The following PAQR3 variants were observed in gnomAD, a reference collection of about 807,000 sequenced individuals.
PAQR3 encodes the protein Raf kinase trapping to Golgi.
PAQR3 carries 39 observed loss-of-function variants against 41.7 expected under a neutral mutation model. The ratio of observed to expected loss-of-function variants is 0.93; its 90% CI spans 0.72 to 1.22. PAQR3 has a LOEUF of 1.22. Ranked by LOEUF, PAQR3 falls within the 50% of genes most tolerant of loss-of-function variation. The pLI is 0.00. For synonymous variants in PAQR3, 140 were observed against 140.6 expected (o/e 1.00, Z 0.03); for missense variants, 366 against 385.6 (o/e 0.95, Z 0.42).
At chr4:78,887,218 C>G in exon 13 of PAQR3, 1 of 1,611,944 alleles carries the variant, frequency 6.2e-7, no homozygotes, top group South Asian at 1.1e-5. Context: ...TGTAGACTCA[C>G]TTTCTGCTCC....
downstream of PAQR3, chr4:78,911,096 C>T (rs752565823): frequency 9.9e-6 from 16 of 1,613,892 alleles, no homozygotes; most frequent in African/African-American, 1.3e-5. Context: ...GCAGTGGAGA[C>T]TCCCAAACAG....
chr4:78,920,554 A>G lies in PAQR3; in HGVS notation c.921T>C (p.Tyr307=). ...QYRHSKPCPD[Y]VSHL ...CATACCTAATTCACAAATGTGAAAC[A>G]TAGTCAGGACAAGGCTTGCTATGTC... Residue 307 remains tyrosine (Y), a synonymous_variant, in exon 6 of 6, where the codon TAT becomes TAC. Coordinates refer to ENST00000512733, the MANE Select transcript of PAQR3 (RefSeq NM_001040202.2). 6.2e-7 allele frequency: 1 copy of G among 1,608,160 alleles called. No individual in the cohort carries two copies. Among genetic ancestry groups the G allele is most frequent in the Non-Finnish European group, 8.5e-7 (1 of 1,177,128 alleles).
At chr4:78,930,697 A>C (rs1736767143) in intron 2 of PAQR3, 1 of 154,908 alleles carries the variant, frequency 6.5e-6, no homozygotes, top group South Asian at 2.0e-4. Context: ...TTTGTTTTTA[A>C]AGAGTATTTA....
intron 12 of PAQR3, among the ~76,000 whole-genome samples, chr4:78,887,543 C>T (rs1733164568): frequency 6.6e-6 from 1 of 151,886 alleles, no homozygotes; most frequent in African/African-American, 2.4e-5. Flanking sequence ...TTATTGGATA[C>T]TGTTGAAAAA....
At chr4:78,939,009 G>C in intron 1 of PAQR3, 31 bp downstream of exon 1, 1 of 1,546,916 alleles carries the variant, frequency 6.5e-7, no homozygotes, top group Middle Eastern at 1.7e-4. Context: ...GAGAGAAGGG[G>C]GCACTCCAGG....
At chr4:78,910,539 T>C, downstream of PAQR3, 1 of 1,226,630 alleles carries the variant, frequency 8.2e-7, no homozygotes, top group Non-Finnish European at 1.1e-6. Context: ...GTGTAATACA[T>C]ATTAACATTT....
chr4:78,900,500 CAA>C (rs1733942168), intron 11 of PAQR3, among the ~76,000 whole-genome samples: 1 of 152,090 alleles, frequency 6.6e-6, no homozygotes, highest in Non-Finnish European at 1.5e-5. Flanking sequence ...GAGAGTCTAA[CAA>C]GACATAAAAA....
rs537375187 is a variant in PAQR3, at chr4:78,939,354, G to A, written c.-130C>T. ...CTGCGCGAGGTCCTACCGCGCTGCC[G>A]CTGCTGCCCAGGGCCCGGCTCTGCG... On this transcript the variant is annotated 5_prime_UTR_variant, in exon 1 of 6. Transcript: ENST00000512733. 1.3e-3 allele frequency: 1,019 copies of A among 789,000 alleles called. 8 individuals carry two copies. In the African/African-American group the frequency reaches 0.018, roughly 14 times the overall value. 48.9% of individuals were successfully genotyped at this position (789,000 alleles called of 1,614,324 possible).
intron 11 of PAQR3, among the ~76,000 whole-genome samples, chr4:78,889,759 AATG>A (rs1006658853): frequency 6.6e-6 from 1 of 152,256 alleles, no homozygotes; most frequent in Non-Finnish European, 1.5e-5. Flanking sequence ...TACAATACAG[AATG>A]ATAAGTATAT....
chr4:78,896,969 G>A (rs1406881171), intron 11 of PAQR3, among the ~76,000 whole-genome samples: 1 of 152,018 alleles, frequency 6.6e-6, no homozygotes, highest in East Asian at 1.9e-4. Flanking sequence ...TTCAAAAAAT[G>A]CTCATTTACT....
chr4:78,906,572 T>C (rs540809339), intron 10 of PAQR3, among the ~76,000 whole-genome samples: 5 of 152,262 alleles, frequency 3.3e-5, no homozygotes, highest in Middle Eastern at 3.4e-3. Context: ...GGATCTAAAA[T>C]GTACCCTTAT....
At chr4:78,890,458 GAC>G (rs1434242936) in intron 11 of PAQR3, among the ~76,000 whole-genome samples, 3 of 151,520 alleles carry the variant, frequency 2.0e-5, no homozygotes, top group East Asian at 1.9e-4. Flanking sequence ...GCATGTTTTT[GAC>G]ACAGTTTTTG....
rs909588777 is a variant in PAQR3 at position 78,915,805 on chromosome 4, TTTTTG to T, written c.*4729_*4733del. On this transcript the variant is annotated 3_prime_UTR_variant, in exon 6 of 6. Coordinates refer to ENST00000512733, the MANE Select transcript of PAQR3 (RefSeq NM_001040202.2). ...TGCAAAGGGTCATGATTTGGGGTTA[TTTTTG>T]TTTTATTTTAAAATTTATACTGCTA... 10 of 151,912 alleles carry T rather than the reference TTTTTG, an allele frequency of 6.6e-5. No individual in the cohort carries two copies. The highest frequency in any genetic ancestry group is 1.4e-4 in the African/African-American group (6 of 41,396). 9.4% of individuals were successfully genotyped at this position (151,912 alleles called of 1,614,324 possible).
Position 78,917,928 on chromosome 4 carries a change from A to G in PAQR3, c.*2611T>C. The G allele has an allele frequency of 1.0e-6, 1 of 984,346 alleles. No homozygotes were observed. Among genetic ancestry groups the G allele is most frequent in the Non-Finnish European group, 1.2e-6 (1 of 828,616 alleles). The allele number at this position is 984,346 out of a possible 1,614,324, so 61.0% of individuals were successfully genotyped here. A position where few individuals can be genotyped will look rare whatever the true frequency, so the allele number is the denominator to read the frequency against. ...TTATGTATTACAAAGAATGACAAGC[A>G]GCAGTTAAAAATATTTAGTAAACCC... On this transcript the variant is annotated 3_prime_UTR_variant, in exon 6 of 6. Coordinates refer to ENST00000512733, the MANE Select transcript of PAQR3 (RefSeq NM_001040202.2).
intron 11 of PAQR3, among the ~76,000 whole-genome samples, chr4:78,900,720 A>G (rs966318049): frequency 2.0e-5 from 3 of 152,248 alleles, no homozygotes; most frequent in South Asian, 2.1e-4. Flanking sequence ...TAGATAGACT[A>G]TGTCTTAAAA....
intron 10 of PAQR3, among the ~76,000 whole-genome samples, chr4:78,906,738 C>T (rs989077127): frequency 1.3e-5 from 2 of 152,122 alleles, no homozygotes; most frequent in Admixed American, 1.3e-4. Context: ...TTACTAGAAG[C>T]TTATTGGGTA....
intron 11 of PAQR3, among the ~76,000 whole-genome samples, chr4:78,903,987 G>A (rs1460793964): frequency 4.6e-5 from 7 of 151,910 alleles, no homozygotes; most frequent in Non-Finnish European, 7.4e-5. Context: ...GCAGGTCTCA[G>A]ATTTCTTACG....
chr4:78,938,531 G>C (rs1301994964), intron 1 of PAQR3, among the ~76,000 whole-genome samples: 2 of 152,052 alleles, frequency 1.3e-5, no homozygotes, highest in Admixed American at 1.3e-4. Context: ...CTACACCTTA[G>C]TAGCTTCATG....
At chr4:78,934,832 T>C (rs554198528) in intron 2 of PAQR3, among the ~76,000 whole-genome samples, 4 of 152,278 alleles carry the variant, frequency 2.6e-5, no homozygotes, top group South Asian at 2.1e-4. Context: ...AGCCAGATAA[T>C]AGAATGCAAT....
Sources: allele counts gnomAD v4.1 joint callset (sites outside exome capture counted in the v4.1 genomes callset), GRCh38; gene constraint gnomAD v4.1.1; transcripts MANE v1.5; gene names NCBI Gene and HGNC (gene_info 2026-07-23, HGNC 2026-07-21).